The following TMEM163 variants were observed in gnomAD, a reference collection of about 807,000 sequenced individuals.
TMEM163 encodes the protein transmembrane protein 163.
TMEM163 carries 17 observed loss-of-function variants against 29.3 expected under a neutral mutation model. The ratio of observed to expected loss-of-function variants is 0.58; its 90% CI spans 0.40 to 0.87. TMEM163 has a LOEUF of 0.87. Ranked by LOEUF, TMEM163 falls within the 40% of genes least tolerant of loss-of-function variation. The probability of loss-of-function intolerance (pLI) is 0.00; values close to 1 mark genes in which losing one functional copy is unlikely to be tolerated. For synonymous variants in TMEM163, 157 were observed against 160.6 expected (o/e 0.98, Z 0.17); for missense variants, 303 against 381.5 (o/e 0.79, Z 1.71).
chr2:134,580,585 G>A (rs532662223), intron 2 of TMEM163, among the ~76,000 whole-genome samples: 5 of 152,162 alleles, frequency 3.3e-5, no homozygotes, highest in African/African-American at 1.2e-4. Flanking sequence ...AATTAATCTG[G>A]AATTAGCCCA....
chr2:134,518,640 G>A (rs755387645), intron 4 of TMEM163, among the ~76,000 whole-genome samples: 4 of 152,114 alleles, frequency 2.6e-5, no homozygotes, highest in Non-Finnish European at 4.4e-5. Context: ...TTCCAACACC[G>A]TGTACTTTCT....
chr2:134,464,094 T>C (rs1686610227), intron 6 of TMEM163, among the ~76,000 whole-genome samples: 2 of 152,234 alleles, frequency 1.3e-5, no homozygotes, highest in African/African-American at 2.4e-5. Flanking sequence ...TTTGGTTTCA[T>C]ATGAACTAAA....
intron 2 of TMEM163, among the ~76,000 whole-genome samples, chr2:134,627,296 C>G (rs1320947552): frequency 1.3e-5 from 2 of 152,074 alleles, no homozygotes; most frequent in Non-Finnish European, 2.9e-5. Context: ...TTAGAAAAAT[C>G]AAGCGCCTCA....
chr2:134,624,726 T>C (rs1182300571), intron 2 of TMEM163, among the ~76,000 whole-genome samples: 1 of 151,992 alleles, frequency 6.6e-6, no homozygotes, highest in East Asian at 1.9e-4. Context: ...CTAGGGAACA[T>C]GGCGAAACCC....
chr2:134,692,743 T>A (rs1684499282), intron 2 of TMEM163, among the ~76,000 whole-genome samples: 2 of 152,144 alleles, frequency 1.3e-5, no homozygotes, highest in Admixed American at 1.3e-4. Flanking sequence ...CATCACCTCA[T>A]CATCCTCATG....
chr2:134,705,673 A>G (rs1327629340), intron 2 of TMEM163, among the ~76,000 whole-genome samples: 1 of 152,198 alleles, frequency 6.6e-6, no homozygotes, highest in Non-Finnish European at 1.5e-5. Context: ...CTGAGAAGTC[A>G]CGTCTTGTCC....
chr2:134,508,492 T>C (rs1679876644), intron 4 of TMEM163, among the ~76,000 whole-genome samples: 1 of 152,164 alleles, frequency 6.6e-6, no homozygotes, highest in South Asian at 2.1e-4. Flanking sequence ...GCCCTCTTTC[T>C]CTCCGTGTGT....
At chr2:134,656,408 G>A (rs1399893445) in intron 2 of TMEM163, among the ~76,000 whole-genome samples, 15 of 151,512 alleles carry the variant, frequency 9.9e-5, no homozygotes, top group African/African-American at 3.2e-4. Context: ...GCTTCGGCTC[G>A]CGCACGGTGC....
At chr2:134,681,315 C>T (rs917219034) in intron 2 of TMEM163, among the ~76,000 whole-genome samples, 1 of 152,280 alleles carries the variant, frequency 6.6e-6, no homozygotes, top group South Asian at 2.1e-4. Flanking sequence ...AGTTCCATGC[C>T]GGGAAGGCTG....
intron 5 of TMEM163, among the ~76,000 whole-genome samples, chr2:134,472,291 C>T (rs924792501): frequency 6.6e-6 from 1 of 151,996 alleles, no homozygotes; most frequent in African/African-American, 2.4e-5. Context: ...AGAAAGGGCT[C>T]ATGGAAATCT....
intron 2 of TMEM163, among the ~76,000 whole-genome samples, chr2:134,613,856 C>A (rs1682554252): frequency 6.6e-6 from 1 of 152,008 alleles, no homozygotes; most frequent in Non-Finnish European, 1.5e-5. Context: ...TAACAAAAAC[C>A]ACATTCTTGG....
intron 2 of TMEM163, among the ~76,000 whole-genome samples, chr2:134,631,353 T>C (rs1574294446): frequency 6.6e-6 from 1 of 152,232 alleles, no homozygotes; most frequent in African/African-American, 2.4e-5. Flanking sequence ...TTGTTCTGTT[T>C]TGTTTTTGTA....
At chr2:134,656,576 G>C (rs375580827) in intron 2 of TMEM163, among the ~76,000 whole-genome samples, 1 of 151,306 alleles carries the variant, frequency 6.6e-6, no homozygotes, top group Non-Finnish European at 1.5e-5. Context: ...TCCTCCCCCC[G>C]CCTTCTATTT....
chr2:134,514,233 A>C (rs1680007159), intron 4 of TMEM163, among the ~76,000 whole-genome samples: 1 of 152,188 alleles, frequency 6.6e-6, no homozygotes, highest in East Asian at 1.9e-4. Context: ...GCCCAAGACC[A>C]GGTTGGTCAT....
chr2:134,605,767 G>A (rs1049545371), intron 2 of TMEM163, among the ~76,000 whole-genome samples: 4 of 152,062 alleles, frequency 2.6e-5, no homozygotes, highest in African/African-American at 7.2e-5. Context: ...AAGAAAAGAT[G>A]TGACACTGAT....
chr2:134,633,465 T>C (rs2104834001), intron 2 of TMEM163, among the ~76,000 whole-genome samples: 1 of 152,270 alleles, frequency 6.6e-6, no homozygotes, highest in Middle Eastern at 3.4e-3. Flanking sequence ...TAGGGAAGGA[T>C]AGGAATTTTT....
At chr2:134,520,340 C>T (rs1406571816) in intron 4 of TMEM163, among the ~76,000 whole-genome samples, 2 of 152,216 alleles carry the variant, frequency 1.3e-5, no homozygotes, top group Non-Finnish European at 2.9e-5. Context: ...TTCTGGCTAT[C>T]CCTTCTTGCT....
chr2:134,707,897 C>CTTTTTTTTTTT (rs35922959), intron 2 of TMEM163, among the ~76,000 whole-genome samples: 1 of 133,666 alleles, frequency 7.5e-6, no homozygotes, highest in Non-Finnish European at 1.6e-5. Flanking sequence ...CAGACCAGAA[C>CTTTTTTTTTTT]TTTTTTTTTT....
chr2:134,706,222 G>A (rs1423423284), intron 2 of TMEM163, among the ~76,000 whole-genome samples: 1 of 152,168 alleles, frequency 6.6e-6, no homozygotes, highest in African/African-American at 2.4e-5. Context: ...GCATGGAGGA[G>A]GGGTGAGAGA....
Sources: allele counts gnomAD v4.1 joint callset (sites outside exome capture counted in the v4.1 genomes callset), GRCh38; gene constraint gnomAD v4.1.1; transcripts MANE v1.5; gene names NCBI Gene and HGNC (gene_info 2026-07-23, HGNC 2026-07-21).